The following HCRTR1 variants were observed in gnomAD, a reference collection of about 807,000 sequenced individuals.
HCRTR1 encodes hypocretin receptor 1, also known as orexin/Hypocretin receptor type 1.
A neutral mutation model predicts 40.6 loss-of-function variants in HCRTR1; 28 were observed. That is an observed-to-expected ratio of 0.69 (90% CI 0.51 to 0.95). HCRTR1 has a LOEUF of 0.95. HCRTR1 is among the 40% of genes least tolerant of loss of function. The pLI, the probability that HCRTR1 is intolerant of heterozygous loss-of-function variation, is 0.00. For synonymous variants in HCRTR1, 209 were observed against 230.0 expected (o/e 0.91, Z 0.83); for missense variants, 482 against 564.7 (o/e 0.85, Z 1.48).
chr1:31,628,576 C>G (rs925294587), downstream of HCRTR1, among the ~76,000 whole-genome samples: 1 of 152,244 alleles, frequency 6.6e-6, no homozygotes, highest in African/African-American at 2.4e-5. Flanking sequence ...GCTCCTCAGC[C>G]TCAGCTGAGC....
downstream of HCRTR1, chr1:31,630,449 G>T: frequency 1.4e-6 from 1 of 716,720 alleles, no homozygotes; most frequent in Non-Finnish European, 2.3e-6. Flanking sequence ...CTATTTGGTG[G>T]CTATGATGCA....
chr1:31,626,749 A>C lies in HCRTR1; in HGVS notation c.1088-41A>C. 1.4e-6 allele frequency: 2 copies of C among 1,384,050 alleles called. No homozygotes were observed. The highest frequency in any genetic ancestry group is 1.2e-5 in the South Asian group (1 of 83,280). 85.7% of individuals were successfully genotyped at this position (1,384,050 alleles called of 1,614,324 possible). On this transcript the variant is annotated intron_variant, in intron 8 of 8. Coordinates refer to ENST00000403528, the MANE Select transcript of HCRTR1 (RefSeq NM_001525.3). The surrounding 1 kb of genome is among the most constrained non-coding windows in gnomAD (Gnocchi z 4.6). ...TGGGCTCAAGGCCCCTTCCTGCTGC[A>C]TCTGTCTCCTTATGGCTGTGTCTTT... is the stretch of plus-strand genomic sequence containing the variant.
At chr1:31,633,543 C>A (rs1336279494), downstream of HCRTR1, among the ~76,000 whole-genome samples, 1 of 152,126 alleles carries the variant, frequency 6.6e-6, no homozygotes, top group African/African-American at 2.4e-5. Flanking sequence ...GTATAGTGTT[C>A]CAGACACTAC....
rs529939232 is a variant in HCRTR1 at position 31,626,450 on chromosome 1, C to T, written c.1088-340C>T. Among the ~76,000 whole-genome samples the T allele has an allele frequency of 1.5e-4, 23 of 152,206 alleles. No homozygotes were observed. The highest frequency in any genetic ancestry group is 2.4e-4 in the African/African-American group (10 of 41,442). On this transcript the variant is annotated intron_variant, in intron 8 of 8. Coordinates refer to ENST00000403528, the MANE Select transcript of HCRTR1 (RefSeq NM_001525.3). The surrounding 1 kb of genome is among the most constrained non-coding windows in gnomAD (Gnocchi z 4.6). ...CAAAGGGCAGAGAGGACACAAGCCTCGCAACAGATAGTGACCCCCACGTAC... is the reference window on the plus strand; with the variant it reads ...CAAAGGGCAGAGAGGACACAAGCCTTGCAACAGATAGTGACCCCCACGTAC...
chr1:31,628,846 G>C (rs561654264), downstream of HCRTR1, among the ~76,000 whole-genome samples: 1 of 152,234 alleles, frequency 6.6e-6, no homozygotes, highest in African/African-American at 2.4e-5. Flanking sequence ...CCAGGGAAGA[G>C]AGGACTTGGG....
intron 5 of HCRTR1, 52 bp from the exon 6 acceptor site, chr1:31,621,425 C>T: frequency 1.5e-6 from 2 of 1,354,688 alleles, no homozygotes; most frequent in South Asian, 1.2e-5. Flanking sequence ...CTAACCAGGG[C>T]AGGGTGGGGC....
At chr1:31,622,829 G>T (rs1639886015) in intron 6 of HCRTR1, among the ~76,000 whole-genome samples, 1 of 152,156 alleles carries the variant, frequency 6.6e-6, no homozygotes, top group African/African-American at 2.4e-5. Context: ...GTATGATCCA[G>T]GGGAGGCACA....
rs778794988 is a variant in HCRTR1, at chr1:31,620,894, C to T, written c.430C>T (p.Arg144Cys). The stretch of plus-strand genomic sequence containing the variant: ...AACTCTCAGCTTCATCGCCCTGGAC[C>T]GCTGGTATGCCATCTGCCACCCACT... ...VLTLSFIALD[R>C]WYAICHPLLF... Residue 144 changes from arginine to cysteine, a missense_variant, in exon 5 of 9, where the codon CGC (arginine) becomes TGC (cysteine). By Grantham distance (180) the Arg-to-Cys change is radical (BLOSUM62 -3). Coordinates refer to ENST00000403528, the MANE Select transcript of HCRTR1 (RefSeq NM_001525.3). 5.0e-6 allele frequency: 8 copies of T among 1,614,148 alleles called. No homozygotes were observed. The highest frequency in any genetic ancestry group is 4.4e-5 in the South Asian group (4 of 91,084).
At position 31,621,598 on chromosome 1, in the gene HCRTR1, GC is replaced by G. The variant is rs1557577583; in HGVS notation, c.738+9del. ...GCAAGCTCTGGGGCCGCCAGGTGAGGCCCACTCTGGGCAGGGGCTAGGCCAG... is the reference window on the plus strand; with the variant it reads ...GCAAGCTCTGGGGCCGCCAGGTGAGGCCACTCTGGGCAGGGGCTAGGCCAG... On this transcript the variant is annotated splice_region_variant and intron_variant, in intron 6 of 8. Transcript: ENST00000403528. 1.2e-6 allele frequency: 2 copies of G among 1,602,712 alleles called. No homozygotes were observed. Among genetic ancestry groups the G allele is most frequent in the South Asian group, 2.2e-5 (2 of 90,922 alleles).
downstream of HCRTR1, chr1:31,633,199 A>G (rs899406309): frequency 4.3e-6 from 7 of 1,614,118 alleles, no homozygotes; most frequent in East Asian, 2.2e-5. Flanking sequence ...ATGAAGACCA[A>G]TTGCAGTTGA....
downstream of HCRTR1, chr1:31,632,773 G>A: frequency 3.8e-6 from 4 of 1,054,986 alleles, no homozygotes; most frequent in Non-Finnish European, 5.4e-6. Flanking sequence ...CTGAGGCCCA[G>A]ATGCCTGCAC....
At position 31,619,386 on chromosome 1, in the gene HCRTR1, C is replaced by T. The variant is rs775286747; in HGVS notation, c.194C>T (p.Thr65Met). The change falls in exon 3 of 9, where the codon ACG (threonine) becomes ATG (methionine). Residue 65 changes from threonine (T) to methionine (M), a missense_variant. By Grantham distance (81) the Thr-to-Met change is moderately conservative. Transcript: ENST00000403528. ...TTCGTCGTGGCCCTGGTGGGCAACA[C>T]GCTGGGTAGGTCCAGGGCTTGCCCG... ...AVFVVALVGNTLVCLAVWRNH... is the reference protein window; with the variant it reads ...AVFVVALVGNMLVCLAVWRNH... 1.1e-5 allele frequency: 18 copies of T among 1,613,980 alleles called. No homozygotes were observed. The highest frequency in any genetic ancestry group is 8.3e-5 in the Admixed American group (5 of 60,008).
downstream of HCRTR1, chr1:31,633,396 T>C (rs986685707): frequency 1.6e-5 from 22 of 1,407,754 alleles, no homozygotes; most frequent in Admixed American, 3.4e-4. Flanking sequence ...AGGTTTCTCC[T>C]ACACACGAAG....
In HCRTR1 at chr1:31,626,848, C is replaced by T. The variant is rs1639987679; in HGVS notation, c.1146C>T (p.Pro382=). Reference sequence around the variant, plus strand: ...CCTGCTGCCTGCCTGGCCTGGGTCCCTGCGGCTCTCTGAAGGCCCCTAGTC... The same window carrying T: ...CCTGCTGCCTGCCTGGCCTGGGTCCTTGCGGCTCTCTGAAGGCCCCTAGTC... The part of the protein sequence containing the change: ...AFSCCLPGLG[P]CGSLKAPSPR... The change falls in exon 9 of 9, where the codon CCC becomes CCT. Residue 382 remains proline, a synonymous_variant. Coordinates refer to ENST00000403528, the MANE Select transcript of HCRTR1 (RefSeq NM_001525.3). The surrounding 1 kb of genome is among the most constrained non-coding windows in gnomAD (Gnocchi z 4.6). 3 of 1,613,948 alleles carry T rather than the reference C, an allele frequency of 1.9e-6. No individual in the cohort carries two copies. Among genetic ancestry groups the T allele is most frequent in the Non-Finnish European group, 2.5e-6 (3 of 1,180,004 alleles).
rs779385203 is a variant in HCRTR1 at position 31,625,162 on chromosome 1, T to C, written c.1087+44T>C. 3 of 1,545,078 alleles carry C rather than the reference T, an allele frequency of 1.9e-6. No homozygotes were observed. The African/African-American group carries it at 4.1e-5, about 21-fold the overall frequency. ...CAAAATGACTGAGGGTGGCCAACAG[T>C]CCACATGACAAGTCTCCCCATCCCC... is the stretch of plus-strand genomic sequence containing the variant. On this transcript the variant is annotated intron_variant, in intron 8 of 8. Coordinates refer to ENST00000403528, the MANE Select transcript of HCRTR1 (RefSeq NM_001525.3). The surrounding 1 kb of genome is among the most constrained non-coding windows in gnomAD (Gnocchi z 4.2).
Position 31,627,333 on chromosome 1 carries a change from G to C in HCRTR1, c.*353G>C, listed in dbSNP as rs1557581079. ...CCTACCCAATTACAGGCCTTCCCTG[G>C]AGTCTGCTCTAAAGGTCCCAACAGG... On this transcript the variant is annotated 3_prime_UTR_variant, in exon 9 of 9. Transcript: ENST00000403528. 3.8e-6 allele frequency: 5 copies of C among 1,317,276 alleles called. No homozygotes were observed. Among genetic ancestry groups the C allele is most frequent in the Non-Finnish European group, 5.0e-6 (5 of 1,007,444 alleles). The allele number at this position is 1,317,276 out of a possible 1,614,324, so 81.6% of individuals were successfully genotyped here.
At chr1:31,620,691 G>A in intron 4 of HCRTR1, 152 bp from the exon 5 acceptor site, 1 of 935,864 alleles carries the variant, frequency 1.1e-6, no homozygotes. Context: ...GAGGCTCAGA[G>A]AGGGTGAGTG....
rs754534724 is a variant in HCRTR1, at chr1:31,621,071, G to A, written c.607G>A (p.Asp203Asn). The A allele has an allele frequency of 6.2e-7, 1 of 1,607,048 alleles. No homozygotes were observed. Among genetic ancestry groups the A allele is most frequent in the East Asian group, 2.2e-5 (1 of 44,854 alleles). The change falls in exon 5 of 9, where the codon GAT becomes AAT. Residue 203 changes from aspartate (D) to asparagine (N), a missense_variant. Physicochemically the swap from Asp to Asn is conservative, Grantham distance 23. Transcript: ENST00000403528. ...ANRTRLFSVCDERWADDLYPK... is the reference protein window; with the variant it reads ...ANRTRLFSVCNERWADDLYPK... ...CCGCACACGGCTCTTCTCAGTCTGT[G>A]ATGAACGCTGGGCAGGTAATGGTGG... is the stretch of plus-strand genomic sequence containing the variant.
In HCRTR1 at chr1:31,623,738, T is replaced by C; in HGVS notation, c.954T>C (p.Asn318=). Residue 318 remains asparagine (N), a synonymous_variant, in exon 7 of 9, where the codon AAT becomes AAC. Transcript: ENST00000403528. ...ALCYLPISVL[N]VLKRVFGMFR... ...GCTACCTGCCCATCAGCGTCCTCAA[T>C]GTCCTTAAGAGGTGAGAGCACGGGG... The C allele has an allele frequency of 6.2e-7, 1 of 1,613,684 alleles. No homozygotes were observed. Among genetic ancestry groups the C allele is most frequent in the Non-Finnish European group, 8.5e-7 (1 of 1,179,696 alleles).
Sources: allele counts gnomAD v4.1 joint callset (sites outside exome capture counted in the v4.1 genomes callset), GRCh38; gene constraint gnomAD v4.1.1; non-coding constraint Gnocchi (gnomAD v3.1); transcripts MANE v1.5; gene names NCBI Gene and HGNC (gene_info 2026-07-23, HGNC 2026-07-21).